FRY: variants seen among roughly 807,000 people sequenced by gnomAD.
FRY encodes FRY microtubule binding protein, also known as protein furry homolog.
Under a neutral mutation model 348.4 loss-of-function variants are expected in FRY, and 128 were observed. The ratio of observed to expected loss-of-function variants is 0.37; its 90% confidence interval spans 0.32 to 0.43. The LOEUF is 0.43. Among genes scored for constraint, FRY ranks in the 20% least tolerant of loss-of-function variants. The pLI is 1.00. For missense variants in FRY, 2,736 were observed against 3,695.2 expected, an observed-to-expected ratio of 0.74 and a Z score of 6.73; for synonymous variants, 1,370 against 1,374.7, an observed-to-expected ratio of 1.00 and a Z score of 0.08.
chr13:32,191,648 T>A (rs1470071141), intron 28 of FRY, among the ~76,000 whole-genome samples: 1 of 152,174 alleles, frequency 6.6e-6, no homozygotes, highest in East Asian at 1.9e-4. Flanking sequence ...GGCCAAGAAT[T>A]CCAAGGTTAA....
In FRY at chr13:32,124,820, A is replaced by G; in HGVS notation, c.661A>G (p.Met221Val). The G allele has an allele frequency of 6.2e-7, 1 of 1,613,126 alleles. No homozygotes were observed. Among genetic ancestry groups the G allele is most frequent in the Middle Eastern group, 1.7e-4 (1 of 6,056 alleles). Residue 221 changes from methionine (M) to valine (V), a missense_variant, in exon 7 of 61, where the codon ATG becomes GTG. Around this residue, in one of 9 missense-constraint regions of FRY, gnomAD observed 309 missense variants for 418.1 expected, o/e 0.74. Transcript: ENST00000542859. ...GTACCTTGGTCCCAACACTGGCAAT[A>G]TGCATATTGTGGCAGACCTGTATGC... ...EGYLGPNTGNMHIVADLYAEV... is the reference protein window; with the variant it reads ...EGYLGPNTGNVHIVADLYAEV...
intron 25 of FRY, 50 bp from the exon 26 acceptor site, chr13:32,184,926 C>T (rs373489940): frequency 2.0e-6 from 3 of 1,499,734 alleles, no homozygotes; most frequent in African/African-American, 2.8e-5. Context: ...GCCTGTATTA[C>T]TTTGACATAA....
chr13:32,252,687 G>A (rs929981769), intron 50 of FRY, among the ~76,000 whole-genome samples: 1 of 151,870 alleles, frequency 6.6e-6, no homozygotes, highest in Non-Finnish European at 1.5e-5. Flanking sequence ...CACATTTCTC[G>A]GTGGAGCTAT....
intron 1 of FRY, among the ~76,000 whole-genome samples, chr13:32,066,580 G>A (rs1874274090): frequency 6.6e-6 from 1 of 152,304 alleles, no homozygotes; most frequent in South Asian, 2.1e-4. Flanking sequence ...AACAAGTGCA[G>A]GTCTGTTTGT....
rs1412914640 is a variant in FRY at position 32,095,938 on chromosome 13, C to T, written c.271-6025C>T. Among the ~76,000 whole-genome samples, 3 of 152,072 alleles carry T rather than the reference C, an allele frequency of 2.0e-5. No individual in the cohort carries two copies. In the East Asian group the frequency reaches 5.8e-4, roughly 29 times the overall value. Reference sequence around the variant, plus strand: ...TTTATCTCTCTATCCTTCCTCCCCTCTTTTCTTTCTTCCTCCATCCTTCCT... The same window carrying T: ...TTTATCTCTCTATCCTTCCTCCCCTTTTTTCTTTCTTCCTCCATCCTTCCT... On this transcript the variant is annotated intron_variant, in intron 2 of 60. Coordinates refer to ENST00000542859, the MANE Select transcript of FRY (RefSeq NM_023037.3).
chr13:32,161,581 G>A (rs205010), intron 17 of FRY, among the ~76,000 whole-genome samples: 40,260 of 152,034 alleles, frequency 0.26, 5,647 homozygotes, highest in Middle Eastern at 0.38. Flanking sequence ...GAGAGAAGGT[G>A]GAACTTGAAC....
intron 30 of FRY, 87 bp from the exon 31 acceptor site, chr13:32,202,269 C>G (rs113076316): frequency 0.029 from 30,891 of 1,069,984 alleles, 502 homozygotes; most frequent in Non-Finnish European, 0.034. Flanking sequence ...AATTTTGTTA[C>G]TTCTAACCTT....
intron 58 of FRY, among the ~76,000 whole-genome samples, chr13:32,289,426 T>C (rs1889223929): frequency 6.6e-6 from 1 of 152,218 alleles, no homozygotes; most frequent in African/African-American, 2.4e-5. Context: ...AGTCATCCAT[T>C]ACACAAACTA....
intron 2 of FRY, among the ~76,000 whole-genome samples, chr13:32,093,363 C>A (rs1876462904): frequency 6.6e-6 from 1 of 152,138 alleles, no homozygotes; most frequent in East Asian, 1.9e-4. Flanking sequence ...TTGCAGTAGA[C>A]TTTTAAAGAA....
intron 17 of FRY, among the ~76,000 whole-genome samples, chr13:32,168,390 C>T (rs565166391): frequency 2.1e-4 from 32 of 152,336 alleles, no homozygotes; most frequent in African/African-American, 7.5e-4. Flanking sequence ...TCAAAGTCCA[C>T]TGATTTAAAT....
chr13:32,091,896 C>A (rs1876336956), intron 2 of FRY, among the ~76,000 whole-genome samples: 1 of 152,188 alleles, frequency 6.6e-6, no homozygotes, highest in African/African-American at 2.4e-5. Flanking sequence ...AAACTCAGGT[C>A]TCTCAGATTT....
intron 39 of FRY, 93 bp downstream of exon 39, chr13:32,226,067 C>T (rs994068042): frequency 9.7e-7 from 1 of 1,028,064 alleles, no homozygotes; most frequent in African/African-American, 1.6e-5. Context: ...TAACTTCTCT[C>T]ATGCTATGAC....
chr13:32,093,745 A>C (rs1265987816), intron 2 of FRY, among the ~76,000 whole-genome samples: 1 of 152,122 alleles, frequency 6.6e-6, no homozygotes, highest in African/African-American at 2.4e-5. Flanking sequence ...GTTCACTGTC[A>C]CTCAGTGAGC....
intron 10 of FRY, 102 bp from the exon 11 acceptor site, chr13:32,136,769 G>A: frequency 1.2e-6 from 1 of 800,772 alleles, no homozygotes; most frequent in Non-Finnish European, 2.3e-6. Flanking sequence ...CTTGCCCACA[G>A]GGCCCCCGAG....
intron 2 of FRY, among the ~76,000 whole-genome samples, chr13:32,099,962 A>C (rs532824451): frequency 2.6e-5 from 4 of 152,204 alleles, no homozygotes; most frequent in Non-Finnish European, 4.4e-5. Context: ...AAGAAAAATC[A>C]CATGCCCCAA....
chr13:32,295,116 A>G (rs1254723507), intron 60 of FRY, 86 bp from the exon 61 acceptor site: 1 of 1,202,532 alleles, frequency 8.3e-7, no homozygotes, highest in Non-Finnish European at 1.2e-6. Context: ...TTTAAAAAGT[A>G]ATACTCTTAT....
chr13:32,179,023 A>G lies in FRY; in HGVS notation c.2861A>G (p.Tyr954Cys). Residue 954 changes from tyrosine to cysteine, a missense_variant, in exon 22 of 61, where the codon TAC (tyrosine) becomes TGC (cysteine). This residue lies in a region of FRY where 449 missense variants were observed against 576.9 expected (regional missense o/e 0.78). Transcript: ENST00000542859. ...MATTPDGTVS[Y>C]DNKAIGTPSV... is the part of the protein sequence containing the mutation. ...ACCACACCTGATGGTACAGTGAGCT[A>G]CGATAACAAGGTGACATGACATGCT... The G allele has an allele frequency of 6.2e-7, 1 of 1,612,762 alleles. No homozygotes were observed. Among genetic ancestry groups the G allele is most frequent in the African/African-American group, 1.3e-5 (1 of 75,000 alleles).
chr13:32,265,834 C>T lies in FRY; in HGVS notation c.7946+218C>T, dbSNP rs139002616. 1.2e-3 allele frequency among the ~76,000 whole-genome samples: 177 copies of T among 152,238 alleles called. 1 individual carries two copies. The highest frequency in any genetic ancestry group is 4.0e-3 in the African/African-American group (166 of 41,528). The stretch of plus-strand genomic sequence containing the variant: ...AAGAAAGAACACTTACATATGAATT[C>T]ATAAGGCCAGAAAGCAACGTAAAAA... On this transcript the variant is annotated intron_variant, in intron 54 of 60. Coordinates refer to ENST00000542859, the MANE Select transcript of FRY (RefSeq NM_023037.3).
At chr13:32,238,133 C>A in intron 44 of FRY, 147 bp downstream of exon 44, 2 of 881,742 alleles carry the variant, frequency 2.3e-6, no homozygotes, top group Non-Finnish European at 1.8e-6. Flanking sequence ...TCATAAAATT[C>A]TATATAATGT....
Sources: gnomAD v4.1 joint callset for allele counts (sites outside exome capture counted in the v4.1 genomes callset) on GRCh38, gnomAD v4.1.1 for gene constraint, gnomAD v4.1.1 regional missense constraint, MANE v1.5 for transcripts, NCBI Gene and HGNC (gene_info 2026-07-23, HGNC 2026-07-21) for gene names.